CDCP1: variants seen among roughly 807,000 people sequenced by gnomAD.
CDCP1 encodes the protein CUB domain-containing protein 1.
In CDCP1, 29 loss-of-function variants were observed where a neutral mutation model predicts 60.2. That is an observed-to-expected ratio of 0.48 (90% CI 0.36 to 0.66). The LOEUF (loss-of-function observed/expected upper bound fraction) is 0.66, where lower values mean the gene tolerates loss of function less well. Ranked by LOEUF, CDCP1 falls within the 30% of genes least tolerant of loss-of-function variation. The pLI, the probability that CDCP1 is intolerant of heterozygous loss-of-function variation, is 0.00. For synonymous variants in CDCP1, 387 were observed against 431.1 expected (o/e 0.90, Z 1.27); for missense variants, 876 against 1,074.3 (o/e 0.82, Z 2.58).
At chr3:45,113,388 A>G (rs1408262749) in intron 2 of CDCP1, among the ~76,000 whole-genome samples, 1 of 152,224 alleles carries the variant, frequency 6.6e-6, no homozygotes, top group Non-Finnish European at 1.5e-5. Flanking sequence ...AAATATTATC[A>G]AAGAGAAAAC....
At chr3:45,137,934 C>G (rs967184889) in intron 1 of CDCP1, among the ~76,000 whole-genome samples, 1 of 152,170 alleles carries the variant, frequency 6.6e-6, no homozygotes, top group Non-Finnish European at 1.5e-5. Flanking sequence ...TCCTCCATCT[C>G]TCAGCAGGGA....
chr3:45,121,058 C>A (rs1204729315), intron 1 of CDCP1, among the ~76,000 whole-genome samples: 1 of 152,306 alleles, frequency 6.6e-6, no homozygotes, highest in East Asian at 1.9e-4. Context: ...ACGTTTTAAG[C>A]CCCAAAACAA....
chr3:45,146,165 T>C, intron 1 of CDCP1, 41 bp downstream of exon 1: 1 of 1,538,196 alleles, frequency 6.5e-7, no homozygotes. Context: ...GCTGGCTAGC[T>C]CACCACTCCA....
At chr3:45,098,978 G>A (rs1427429733) in intron 4 of CDCP1, among the ~76,000 whole-genome samples, 1 of 152,010 alleles carries the variant, frequency 6.6e-6, no homozygotes, top group Non-Finnish European at 1.5e-5. Flanking sequence ...TCTCTCCAGA[G>A]CCTTTTCAAT....
intron 1 of CDCP1, among the ~76,000 whole-genome samples, chr3:45,124,278 G>C (rs1251658560): frequency 6.6e-6 from 1 of 152,164 alleles, no homozygotes; most frequent in Non-Finnish European, 1.5e-5. Context: ...TCCCAGATCT[G>C]TCAAATACAG....
Position 45,091,307 on chromosome 3 carries a change from C to G in CDCP1, c.1859G>C (p.Ser620Thr). Reference sequence around the variant, plus strand: ...CTTGGGGAGCACATCCTCGTCCAGGCTGAAGATCTCCTCAGCCCGGGTCCG... The same window carrying G: ...CTTGGGGAGCACATCCTCGTCCAGGGTGAAGATCTCCTCAGCCCGGGTCCG... ...EQRTRAEEIF[S>T]LDEDVLPKPS... The change falls in exon 7 of 9, where the codon AGC becomes ACC. Residue 620 changes from serine (S) to threonine (T), a missense_variant. This residue lies in a region of CDCP1 where 726 missense variants were observed against 935.7 expected (regional missense o/e 0.78). Transcript: ENST00000296129. This position sits in a 1 kb window ranked among gnomAD's most constrained non-coding sequence, Gnocchi z 4.8. 6.2e-7 allele frequency: 1 copy of G among 1,614,116 alleles called. No homozygotes were observed. Among genetic ancestry groups the G allele is most frequent in the Non-Finnish European group, 8.5e-7 (1 of 1,180,036 alleles).
chr3:45,111,197 C>T (rs1322710466), intron 3 of CDCP1, among the ~76,000 whole-genome samples: 2 of 152,200 alleles, frequency 1.3e-5, no homozygotes. Flanking sequence ...TTATTCCCTC[C>T]ATACAGATAC....
chr3:45,102,744 G>A (rs370913245), intron 4 of CDCP1, among the ~76,000 whole-genome samples: 4 of 151,642 alleles, frequency 2.6e-5, no homozygotes, highest in East Asian at 1.9e-4. Context: ...CACTGCAGCC[G>A]CCGCCTCCTG....
At chr3:45,134,551 A>C (rs1699161783) in intron 1 of CDCP1, among the ~76,000 whole-genome samples, 1 of 152,062 alleles carries the variant, frequency 6.6e-6, no homozygotes, top group African/African-American at 2.4e-5. Flanking sequence ...CCCTCAGTTT[A>C]AACCTTCTGT....
intron 8 of CDCP1, 143 bp downstream of exon 8, chr3:45,088,911 A>T: frequency 2.8e-6 from 2 of 710,498 alleles, no homozygotes; most frequent in South Asian, 3.5e-5. Context: ...AGCATGACTC[A>T]CACCTGGCAA....
At position 45,091,641 on chromosome 3, in the gene CDCP1, T is replaced by C; in HGVS notation, c.1628-103A>G. On this transcript the variant is annotated intron_variant, in intron 6 of 8. Coordinates refer to ENST00000296129, the MANE Select transcript of CDCP1 (RefSeq NM_022842.5). The surrounding 1 kb of genome is among the most constrained non-coding windows in gnomAD (Gnocchi z 4.8). The stretch of plus-strand genomic sequence containing the variant: ...GAAGTCCAACTGTCCAGACCAGCGC[T>C]GTCTAACCGAACTTTCTGCGATGAT... 7.3e-7 allele frequency: 1 copy of C among 1,366,288 alleles called. No individual in the cohort carries two copies. The highest frequency in any genetic ancestry group is 9.7e-7 in the Non-Finnish European group (1 of 1,032,286). The allele number at this position is 1,366,288 out of a possible 1,614,324, so 84.6% of individuals were successfully genotyped here.
chr3:45,124,606 T>G (rs1340661506), intron 1 of CDCP1, among the ~76,000 whole-genome samples: 2 of 152,194 alleles, frequency 1.3e-5, no homozygotes, highest in Non-Finnish European at 2.9e-5. Flanking sequence ...AATAGCCCTG[T>G]CCTCTCTTAG....
chr3:45,114,201 C>T (rs1698746638), intron 2 of CDCP1, among the ~76,000 whole-genome samples: 1 of 152,160 alleles, frequency 6.6e-6, no homozygotes, highest in Admixed American at 6.5e-5. Flanking sequence ...AGCAATTTTT[C>T]ATTTGATGCT....
intron 1 of CDCP1, among the ~76,000 whole-genome samples, chr3:45,134,732 C>T (rs1012866171): frequency 1.3e-5 from 2 of 152,172 alleles, no homozygotes; most frequent in African/African-American, 4.8e-5. Flanking sequence ...CCACAGCAAA[C>T]CAGGCAGCCC....
intron 1 of CDCP1, among the ~76,000 whole-genome samples, chr3:45,142,068 T>G (rs1699299658): frequency 6.6e-6 from 1 of 152,222 alleles, no homozygotes; most frequent in East Asian, 1.9e-4. Context: ...CCTAACCTCA[T>G]GTGATCTGCC....
intron 1 of CDCP1, among the ~76,000 whole-genome samples, chr3:45,130,997 G>C (rs1699082938): frequency 6.6e-6 from 1 of 152,092 alleles, no homozygotes; most frequent in Admixed American, 6.6e-5. Context: ...CTCCTGAGTA[G>C]CTGGGACCAC....
rs1488090607 is a variant in CDCP1 at position 45,091,576 on chromosome 3, T to C, written c.1628-38A>G. ...GAGGGAGATCCAGACAGATGTTTCATTCAGTCAACATGGAGAGGAAAGGGA... is the reference window on the plus strand; with the variant it reads ...GAGGGAGATCCAGACAGATGTTTCACTCAGTCAACATGGAGAGGAAAGGGA... On this transcript the variant is annotated intron_variant, in intron 6 of 8. Transcript: ENST00000296129. This position sits in a 1 kb window ranked among gnomAD's most constrained non-coding sequence, Gnocchi z 4.8. 6.4e-7 allele frequency: 1 copy of C among 1,552,170 alleles called. No homozygotes were observed. Among genetic ancestry groups the C allele is most frequent in the Non-Finnish European group, 8.7e-7 (1 of 1,152,024 alleles).
At chr3:45,132,082 C>A (rs760178941) in intron 1 of CDCP1, among the ~76,000 whole-genome samples, 2 of 151,920 alleles carry the variant, frequency 1.3e-5, no homozygotes, top group Non-Finnish European at 2.9e-5. Context: ...TAAAAAAATA[C>A]AAAAATTAGC....
chr3:45,105,673 G>C (rs568201608), intron 4 of CDCP1, among the ~76,000 whole-genome samples: 102 of 152,240 alleles, frequency 6.7e-4, no homozygotes, highest in Non-Finnish European at 9.7e-4. Context: ...CTTATAGATG[G>C]GTAGATATAT....
Sources: gnomAD v4.1 joint callset for allele counts (sites outside exome capture counted in the v4.1 genomes callset) on GRCh38, gnomAD v4.1.1 for gene constraint, gnomAD v4.1.1 regional missense constraint, Gnocchi (gnomAD v3.1) non-coding constraint, MANE v1.5 for transcripts, NCBI Gene and HGNC (gene_info 2026-07-23, HGNC 2026-07-21) for gene names.